FMNL3: variants seen among roughly 807,000 people sequenced by gnomAD.
The protein encoded by FMNL3 is formin-like protein 3.
FMNL3 carries 57 observed loss-of-function variants against 119.6 expected under a neutral mutation model. The ratio of observed to expected loss-of-function variants is 0.48; its 90% CI spans 0.39 to 0.59. FMNL3 has a LOEUF of 0.59. Ranked by LOEUF, FMNL3 falls within the 20% of genes least tolerant of loss-of-function variation. The pLI, the probability that FMNL3 is intolerant of heterozygous loss-of-function variation, is 0.00. For missense variants in FMNL3, 1,053 were observed against 1,323.5 expected (o/e 0.80, Z 3.17); for synonymous variants, 491 against 507.3 (o/e 0.97, Z 0.43).
In FMNL3 at chr12:49,646,879, G is replaced by T; in HGVS notation, c.2995+7C>A. On this transcript the variant is annotated splice_region_variant and intron_variant, in intron 25 of 25. Coordinates refer to ENST00000335154, the MANE Select transcript of FMNL3 (RefSeq NM_175736.5). The stretch of plus-strand genomic sequence containing the variant: ...GGCCAGGCCCCAGGGAGTGAAAAGG[G>T]CCCCACCTGTGATGATGTCCTCGAT... 6.2e-7 allele frequency: 1 copy of T among 1,613,822 alleles called. No homozygotes were observed. Among genetic ancestry groups the T allele is most frequent in the Non-Finnish European group, 8.5e-7 (1 of 1,179,884 alleles).
intron 13 of FMNL3, 63 bp from the exon 14 acceptor site, chr12:49,652,275 G>GAACCC (rs1943429145): frequency 6.5e-7 from 1 of 1,542,960 alleles, no homozygotes; most frequent in Non-Finnish European, 8.8e-7. Context: ...TGCCCCAAGA[G>GAACCC]TGAGAATTCC....
At chr12:49,656,926 G>GAC in intron 7 of FMNL3, 27 bp from the exon 8 acceptor site, 1 of 1,598,666 alleles carries the variant, frequency 6.3e-7, no homozygotes, top group South Asian at 1.1e-5. Context: ...AGAAGGAGGG[G>GAC]ACCTTGATGG....
At chr12:49,706,841 C>T (rs1945061592) in intron 1 of FMNL3, among the ~76,000 whole-genome samples, 1 of 152,176 alleles carries the variant, frequency 6.6e-6, no homozygotes. Context: ...CCTAAGGGTC[C>T]AGCGGTGGAG....
At chr12:49,668,422 A>G in intron 2 of FMNL3, 49 bp downstream of exon 2, 1 of 1,588,224 alleles carries the variant, frequency 6.3e-7, no homozygotes, top group Non-Finnish European at 8.6e-7. Flanking sequence ...AGCCTTAGCC[A>G]GCCCAAGACA....
In FMNL3 at chr12:49,649,411, C is replaced by T. The variant is rs550496576; in HGVS notation, c.2304+59G>A. On this transcript the variant is annotated intron_variant, in intron 19 of 25. Transcript: ENST00000335154. This position sits in a 1 kb window ranked among gnomAD's most constrained non-coding sequence, Gnocchi z 5.6. ...GCTCCTTCTTCCTCTCTGTATAGCC[C>T]CAGGCCCCCACCTAGGACCTGAAAA... The T allele has an allele frequency of 4.6e-4, 745 of 1,612,614 alleles. No individual in the cohort carries two copies. The highest frequency in any genetic ancestry group is 1.5e-3 in the Admixed American group (91 of 60,012).
intron 5 of FMNL3, among the ~76,000 whole-genome samples, chr12:49,660,917 G>A (rs1943715457): frequency 6.6e-6 from 1 of 152,220 alleles, no homozygotes; most frequent in Admixed American, 6.5e-5. Context: ...AGCCTGTGGT[G>A]AGCCAAGATC....
chr12:49,685,923 C>T (rs1944445003), intron 1 of FMNL3, among the ~76,000 whole-genome samples: 1 of 151,778 alleles, frequency 6.6e-6, no homozygotes, highest in South Asian at 2.1e-4. Context: ...AAAAATTAGC[C>T]AGGCTTGGTG....
chr12:49,648,083 T>TCTCC (rs1943266364), intron 22 of FMNL3, 110 bp downstream of exon 22: 1 of 1,352,838 alleles, frequency 7.4e-7, no homozygotes, highest in Admixed American at 2.6e-5. Flanking sequence ...CCCCTACATG[T>TCTCC]AGCCAGCCAG....
At chr12:49,682,393 G>C (rs1302429552) in intron 1 of FMNL3, among the ~76,000 whole-genome samples, 2 of 152,058 alleles carry the variant, frequency 1.3e-5, no homozygotes, top group African/African-American at 4.8e-5. Flanking sequence ...TTTTGAGACA[G>C]AGTACAGCAG....
intron 1 of FMNL3, among the ~76,000 whole-genome samples, chr12:49,685,697 C>T (rs1042791290): frequency 6.6e-6 from 1 of 152,206 alleles, no homozygotes; most frequent in Admixed American, 6.5e-5. Flanking sequence ...AACAATAATT[C>T]TTATTTCTTA....
rs749060712 is a variant in FMNL3, at chr12:49,643,731, TAAG to T, written c.*2081_*2083del. ...AAGCCAAGAAACCAAAAAAGAAAAC[TAAG>T]AAGAGAAGACACAAGTCGGTGAGTG... On this transcript the variant is annotated 3_prime_UTR_variant, in exon 26 of 26. Transcript: ENST00000335154. 15 of 1,613,892 alleles carry T rather than the reference TAAG, an allele frequency of 9.3e-6. No individual in the cohort carries two copies. Among genetic ancestry groups the T allele is most frequent in the Non-Finnish European group, 1.2e-5 (14 of 1,179,984 alleles).
chr12:49,662,716 C>T (rs1249611233), intron 4 of FMNL3, among the ~76,000 whole-genome samples: 3 of 152,158 alleles, frequency 2.0e-5, no homozygotes, highest in African/African-American at 4.8e-5. Flanking sequence ...AACCTGAGTA[C>T]GTGGGTCCCC....
intron 1 of FMNL3, among the ~76,000 whole-genome samples, chr12:49,697,937 G>C (rs1021544569): frequency 6.6e-6 from 1 of 151,904 alleles, no homozygotes; most frequent in Non-Finnish European, 1.5e-5. Context: ...CTTCCTCCCA[G>C]AACAAAATTT....
In FMNL3 at chr12:49,666,204, G is replaced by T. The variant is rs571620852; in HGVS notation, c.214C>A (p.Arg72=). Residue 72 remains arginine (R), a synonymous_variant, in exon 3 of 26, where the codon CGA becomes AGA. Transcript: ENST00000335154. The part of the protein sequence containing the change: ...KKWDLICDQE[R]FQVKNPPHTY... ...TGGGGAGGATTCTTCACCTGGAATC[G>T]TTCCTGTAAGGGAAACATGCATATG... 5 of 1,613,442 alleles carry T rather than the reference G, an allele frequency of 3.1e-6. No individual in the cohort carries two copies. Among genetic ancestry groups the T allele is most frequent in the African/African-American group, 1.3e-5 (1 of 74,992 alleles).
intron 1 of FMNL3, among the ~76,000 whole-genome samples, chr12:49,677,486 C>T (rs892149710): frequency 6.6e-6 from 1 of 152,120 alleles, no homozygotes; most frequent in African/African-American, 2.4e-5. Flanking sequence ...TAGTACTTAC[C>T]CCATAGTGTT....
chr12:49,659,644 G>A (rs1943675972), intron 5 of FMNL3: 1 of 445,248 alleles, frequency 2.2e-6, no homozygotes, highest in Non-Finnish European at 3.0e-6. Context: ...AAAACTCCTG[G>A]GCTCAAGCAA....
In FMNL3 at chr12:49,664,568, CTT is replaced by C. The variant is rs1337422965; in HGVS notation, c.368+1262_368+1263del. ...CAGGGGTACTAAGCAGCCCCTGCCA[CTT>C]TGTCCTTCAGTCAGTGAAGTCAGTG... is the stretch of plus-strand genomic sequence containing the variant. On this transcript the variant is annotated intron_variant, in intron 4 of 25. Transcript: ENST00000335154. Among the ~76,000 whole-genome samples, 6 of 152,274 alleles carry C rather than the reference CTT, an allele frequency of 3.9e-5. No homozygotes were observed. In the South Asian group the frequency reaches 6.2e-4, roughly 16 times the overall value.
In FMNL3 at chr12:49,637,726, C is replaced by T. The variant is rs200644715; in HGVS notation, c.*8089G>A. 1 of 1,596,524 alleles carries T rather than the reference C, an allele frequency of 6.3e-7. No homozygotes were observed. The highest frequency in any genetic ancestry group is 8.6e-7 in the Non-Finnish European group (1 of 1,166,726). On this transcript the variant is annotated 3_prime_UTR_variant, in exon 26 of 26. Coordinates refer to ENST00000335154, the MANE Select transcript of FMNL3 (RefSeq NM_175736.5). ...CCCGCCAGGCCCCCCTCCCTCCCTC[C>T]TTACAGGCTCCACCCCTCTGGACTT...
At position 49,643,734 on chromosome 12, in the gene FMNL3, G is replaced by A. The variant is rs1387494032; in HGVS notation, c.*2081C>T. 64 of 1,613,972 alleles carry A rather than the reference G, an allele frequency of 4.0e-5. No individual in the cohort carries two copies. The highest frequency in any genetic ancestry group is 4.7e-5 in the Non-Finnish European group (56 of 1,179,978). On this transcript the variant is annotated 3_prime_UTR_variant, in exon 26 of 26. Transcript: ENST00000335154. ...CCAAGAAACCAAAAAAGAAAACTAA[G>A]AAGAGAAGACACAAGTCGGTGAGTG...
Sources: gnomAD v4.1 joint callset for allele counts (sites outside exome capture counted in the v4.1 genomes callset) on GRCh38, gnomAD v4.1.1 for gene constraint, Gnocchi (gnomAD v3.1) non-coding constraint, MANE v1.5 for transcripts, NCBI Gene and HGNC (gene_info 2026-07-23, HGNC 2026-07-21) for gene names.